Variants in CFAP299 observed in about 807,000 individuals in gnomAD.
CFAP299 encodes cilia and flagella associated protein 299, also known as cilia- and flagella-associated protein 299.
In CFAP299, 21 loss-of-function variants were observed where a neutral mutation model predicts 27.0. That is an observed-to-expected ratio of 0.78 (90% confidence interval 0.55 to 1.12). The LOEUF is 1.12. Ranked by LOEUF, CFAP299 falls within the 50% of genes most tolerant of loss-of-function variation. The probability of loss-of-function intolerance (pLI) is 0.00; values close to 1 mark genes in which losing one functional copy is unlikely to be tolerated. For missense variants in CFAP299, 310 were observed against 276.6 expected, an observed-to-expected ratio of 1.12 and a Z score of -0.86; for synonymous variants, 104 against 98.1, an observed-to-expected ratio of 1.06 and a Z score of -0.36.
At chr4:80,959,907 A>C (rs969501684) in intron 5 of CFAP299, among the ~76,000 whole-genome samples, 13 of 151,948 alleles carry the variant, frequency 8.6e-5, no homozygotes, top group African/African-American at 3.1e-4. Context: ...CAATAAGTAC[A>C]TACTTAAAAC....
At chr4:80,829,916 C>A (rs1344538047) in intron 3 of CFAP299, among the ~76,000 whole-genome samples, 1 of 151,990 alleles carries the variant, frequency 6.6e-6, no homozygotes, top group Middle Eastern at 3.4e-3. Flanking sequence ...CTACCAGAGG[C>A]TAGGGGAAGG....
intron 3 of CFAP299, among the ~76,000 whole-genome samples, chr4:80,657,069 GTTAT>G (rs1276096122): frequency 3.5e-4 from 53 of 151,744 alleles, no homozygotes; most frequent in Middle Eastern, 3.4e-3. Context: ...TTTTTGATAA[GTTAT>G]TTGTTTTTTT....
chr4:80,788,088 T>C (rs965600869), intron 3 of CFAP299, among the ~76,000 whole-genome samples: 2 of 152,016 alleles, frequency 1.3e-5, no homozygotes, highest in Non-Finnish European at 2.9e-5. Flanking sequence ...TTCTAGCAAG[T>C]CCCTAGGGGA....
intron 2 of CFAP299, among the ~76,000 whole-genome samples, chr4:80,367,421 C>G (rs1399194500): frequency 2.6e-5 from 4 of 152,174 alleles, no homozygotes; most frequent in Middle Eastern, 3.4e-3. Context: ...TCCATTTTGC[C>G]TCAATCTTAT....
At chr4:80,816,817 G>A (rs986958284) in intron 3 of CFAP299, among the ~76,000 whole-genome samples, 43 of 152,026 alleles carry the variant, frequency 2.8e-4, no homozygotes, top group Admixed American at 1.8e-3. Flanking sequence ...CATAAAATAC[G>A]CTGCCACTAA....
In CFAP299 at chr4:80,608,848, G is replaced by GC. The variant is rs1265403708; in HGVS notation, c.333+25666dup. On this transcript the variant is annotated intron_variant, in intron 3 of 5. Transcript: ENST00000358105. ...GAATTCTTGTGTAAAACTGGGTAAA[G>GC]CTTACACGATGCATGTGTGTGTGTG... Among the ~76,000 whole-genome samples, 10 of 121,986 alleles carry GC rather than the reference G, an allele frequency of 8.2e-5. No individual in the cohort carries two copies. The East Asian group carries it at 2.6e-3, about 32-fold the overall frequency. 80.0% of individuals were successfully genotyped at this position (121,986 alleles called of 152,430 possible).
intron 3 of CFAP299, among the ~76,000 whole-genome samples, chr4:80,731,412 C>A (rs183587437): frequency 5.3e-5 from 8 of 152,152 alleles, no homozygotes; most frequent in Admixed American, 1.3e-4. Flanking sequence ...GGCATGCATG[C>A]GGAAATGCCC....
At chr4:80,436,505 T>A (rs1728090141) in intron 2 of CFAP299, among the ~76,000 whole-genome samples, 1 of 152,126 alleles carries the variant, frequency 6.6e-6, no homozygotes. Context: ...GGTTTCACCG[T>A]GTTAGCCAGG....
chr4:80,512,417 C>G (rs140871946), intron 2 of CFAP299, among the ~76,000 whole-genome samples: 7 of 151,974 alleles, frequency 4.6e-5, no homozygotes, highest in Admixed American at 4.6e-4. Flanking sequence ...TAACTCATGC[C>G]GCAACATGCT....
chr4:80,630,264 A>G (rs1263074206), intron 3 of CFAP299, among the ~76,000 whole-genome samples: 2 of 152,212 alleles, frequency 1.3e-5, no homozygotes, highest in Non-Finnish European at 2.9e-5. Flanking sequence ...AGCCGTACAC[A>G]GTAAATTAAC....
intron 3 of CFAP299, among the ~76,000 whole-genome samples, chr4:80,765,701 A>C (rs1423859327): frequency 6.6e-6 from 1 of 152,080 alleles, no homozygotes; most frequent in African/African-American, 2.4e-5. Flanking sequence ...AATAAATGTA[A>C]ACAAAAACTA....
At chr4:80,326,437 C>T in the CFAP299 span, among the ~76,000 whole-genome samples, 1 of 152,170 alleles carries the variant, frequency 6.6e-6, no homozygotes, top group Non-Finnish European at 1.5e-5. Context: ...TCACAGATTA[C>T]TTGAGACTTT....
intron 2 of CFAP299, chr4:80,388,720 G>A: frequency 1.5e-6 from 1 of 680,298 alleles, no homozygotes; most frequent in South Asian, 1.8e-5. Flanking sequence ...GCACCATCTT[G>A]GAGCCCCTAT....
chr4:80,531,898 C>T (rs1444366399), intron 2 of CFAP299, among the ~76,000 whole-genome samples: 2 of 152,042 alleles, frequency 1.3e-5, no homozygotes, highest in African/African-American at 4.8e-5. Flanking sequence ...GGATTACAGT[C>T]ATGCACCACC....
chr4:80,578,496 C>G (rs1220069071), intron 2 of CFAP299, among the ~76,000 whole-genome samples: 1 of 152,084 alleles, frequency 6.6e-6, no homozygotes, highest in Admixed American at 6.6e-5. Context: ...TTATCTTCCT[C>G]ATTGAGTTTA....
intron 2 of CFAP299, among the ~76,000 whole-genome samples, chr4:80,443,465 C>A (rs766107724): frequency 6.6e-6 from 1 of 152,028 alleles, no homozygotes; most frequent in East Asian, 1.9e-4. Context: ...AAAAGGCCTT[C>A]GATAAAATTC....
chr4:80,745,894 A>G (rs2110067435), intron 3 of CFAP299, among the ~76,000 whole-genome samples: 1 of 152,210 alleles, frequency 6.6e-6, no homozygotes, highest in Middle Eastern at 3.4e-3. Flanking sequence ...GCTGGTCAGA[A>G]CATCACCCAG....
chr4:80,669,103 T>G (rs1246807799), intron 3 of CFAP299, among the ~76,000 whole-genome samples: 2 of 37,060 alleles, frequency 5.4e-5, no homozygotes, highest in Admixed American at 3.6e-4. Context: ...ACTTAATTTC[T>G]TTTTTCTTTT....
chr4:80,828,829 A>G (rs1440512916), intron 3 of CFAP299, among the ~76,000 whole-genome samples: 1 of 152,092 alleles, frequency 6.6e-6, no homozygotes, highest in African/African-American at 2.4e-5. Flanking sequence ...ACAACCATTC[A>G]ATGGGGAATA....
Sources: gnomAD v4.1 joint callset for allele counts (sites outside exome capture counted in the v4.1 genomes callset) on GRCh38, gnomAD v4.1.1 for gene constraint, MANE v1.5 for transcripts, NCBI Gene and HGNC (gene_info 2026-07-23, HGNC 2026-07-21) for gene names.